The following AGBL4 variants were observed in gnomAD, a reference collection of about 807,000 sequenced individuals.
The protein encoded by AGBL4 is cytosolic carboxypeptidase 6.
In AGBL4, 58 loss-of-function variants were observed where a neutral mutation model predicts 66.4. The observed-to-expected ratio is 0.87, with a 90% CI of 0.71 to 1.09. The LOEUF (loss-of-function observed/expected upper bound fraction) is 1.09. Ranked by LOEUF, AGBL4 falls within the 50% of genes least tolerant of loss-of-function variation. AGBL4 has a pLI of 0.00. For synonymous variants in AGBL4, 234 were observed against 222.9 expected, an observed-to-expected ratio of 1.05 and a Z score of -0.44; for missense variants, 579 against 631.0, an observed-to-expected ratio of 0.92 and a Z score of 0.88.
chr1:48,955,624 C>A (rs1447009285), intron 5 of AGBL4, among the ~76,000 whole-genome samples: 1 of 152,176 alleles, frequency 6.6e-6, no homozygotes, highest in Non-Finnish European at 1.5e-5. Context: ...CTCAAGTAAT[C>A]CTCCCACCCG....
intron 3 of AGBL4, among the ~76,000 whole-genome samples, chr1:49,334,114 A>C (rs1442106218): frequency 1.3e-5 from 2 of 152,220 alleles, no homozygotes; most frequent in African/African-American, 4.8e-5. Flanking sequence ...CAAGCTGTTA[A>C]AGTACGTTCA....
intron 1 of AGBL4, among the ~76,000 whole-genome samples, chr1:50,019,304 T>TCACACA (rs796097397): frequency 0.013 from 590 of 46,834 alleles, 3 homozygotes; most frequent in African/African-American, 0.018. Flanking sequence ...TCTCTCTCTC[T>TCACACA]CTCACACACA....
At chr1:50,006,286 C>A (rs1310425927) in intron 1 of AGBL4, among the ~76,000 whole-genome samples, 1 of 150,894 alleles carries the variant, frequency 6.6e-6, no homozygotes, top group African/African-American at 2.4e-5. Flanking sequence ...TTGCAGTGAG[C>A]CAAGATTGCG....
At chr1:48,723,054 G>A (rs1271988238) in intron 6 of AGBL4, among the ~76,000 whole-genome samples, 1 of 151,872 alleles carries the variant, frequency 6.6e-6, no homozygotes, top group African/African-American at 2.4e-5. Context: ...GGAAGAAACA[G>A]GATTTGAACA....
chr1:49,909,396 G>A (rs1258484885), intron 1 of AGBL4, among the ~76,000 whole-genome samples: 3 of 152,158 alleles, frequency 2.0e-5, no homozygotes, highest in African/African-American at 7.2e-5. Flanking sequence ...TCCTTTGAGG[G>A]TGATTTGAGT....
rs548554361 is a variant in AGBL4 at position 49,015,424 on chromosome 1, T to C, written c.594+30160A>G. ...TCTAGATGATAGGATTTCAAGTAAT[T>C]TTTTTTTTTTTTTTTTGAGATGGAG... On this transcript the variant is annotated intron_variant, in intron 5 of 13. Transcript: ENST00000371839. 8.4e-3 allele frequency among the ~76,000 whole-genome samples: 440 copies of C among 52,196 alleles called. 1 individual carries two copies. Among genetic ancestry groups the C allele is most frequent in the African/African-American group, 0.017 (425 of 25,718 alleles). 34.2% of individuals were successfully genotyped at this position (52,196 alleles called of 152,430 possible).
intron 1 of AGBL4, among the ~76,000 whole-genome samples, chr1:49,901,702 T>G (rs1649781999): frequency 6.6e-6 from 1 of 152,186 alleles, no homozygotes; most frequent in Non-Finnish European, 1.5e-5. Context: ...AAAATTCATA[T>G]GGAACCAAAA....
chr1:49,178,264 A>G (rs941879794), intron 4 of AGBL4, among the ~76,000 whole-genome samples: 1 of 152,230 alleles, frequency 6.6e-6, no homozygotes, highest in African/African-American at 2.4e-5. Flanking sequence ...CATTAGAGAT[A>G]ATGTCCTCTG....
At chr1:48,969,690 C>A (rs1658750521) in intron 5 of AGBL4, among the ~76,000 whole-genome samples, 1 of 151,962 alleles carries the variant, frequency 6.6e-6, no homozygotes, top group Non-Finnish European at 1.5e-5. Context: ...ACATGAGGTG[C>A]CCCAAACATA....
intron 9 of AGBL4, among the ~76,000 whole-genome samples, chr1:48,629,183 T>C (rs1645553415): frequency 6.6e-6 from 1 of 152,118 alleles, no homozygotes; most frequent in African/African-American, 2.4e-5. Context: ...GGAAGCCCAT[T>C]CACATATGGG....
intron 5 of AGBL4, among the ~76,000 whole-genome samples, chr1:49,033,890 C>T (rs535914463): frequency 2.7e-5 from 4 of 150,420 alleles, no homozygotes; most frequent in Non-Finnish European, 4.4e-5. Flanking sequence ...CAAGACAGGG[C>T]TTTCAGAATC....
intron 9 of AGBL4, among the ~76,000 whole-genome samples, chr1:48,607,181 A>T (rs72679398): frequency 1.3e-5 from 2 of 152,110 alleles, no homozygotes; most frequent in African/African-American, 4.8e-5. Context: ...GTGCTGTATA[A>T]GTAGTCATTT....
At chr1:49,041,634 T>C (rs899959997) in intron 5 of AGBL4, among the ~76,000 whole-genome samples, 2 of 152,134 alleles carry the variant, frequency 1.3e-5, no homozygotes, top group African/African-American at 4.8e-5. Flanking sequence ...CTCAGATTAT[T>C]TACCCCCAAA....
chr1:49,140,607 A>G (rs1045986739), intron 4 of AGBL4, among the ~76,000 whole-genome samples: 2 of 152,342 alleles, frequency 1.3e-5, no homozygotes, highest in African/African-American at 2.4e-5. Flanking sequence ...TTCCAGGTAC[A>G]TGATTGGTGA....
At chr1:48,749,342 A>G (rs1651288918) in intron 6 of AGBL4, among the ~76,000 whole-genome samples, 1 of 152,198 alleles carries the variant, frequency 6.6e-6, no homozygotes, top group South Asian at 2.1e-4. Context: ...CTATATCCCC[A>G]GCACCCAGCG....
chr1:49,954,653 A>G (rs906754848), intron 1 of AGBL4, among the ~76,000 whole-genome samples: 3 of 151,996 alleles, frequency 2.0e-5, no homozygotes, highest in African/African-American at 7.2e-5. Context: ...ATGGCACTAT[A>G]ACTAAGTTCT....
chr1:49,802,262 G>A (rs377249225), intron 2 of AGBL4, among the ~76,000 whole-genome samples: 1 of 136,274 alleles, frequency 7.3e-6, no homozygotes, highest in Non-Finnish European at 1.6e-5. Flanking sequence ...AGACACATCG[G>A]GGGGGGTCGC....
intron 3 of AGBL4, among the ~76,000 whole-genome samples, chr1:49,331,615 G>T (rs1031611217): frequency 6.6e-6 from 1 of 152,116 alleles, no homozygotes; most frequent in Non-Finnish European, 1.5e-5. Flanking sequence ...CTGGCCTCCA[G>T]CCACCCGGCC....
intron 8 of AGBL4, among the ~76,000 whole-genome samples, chr1:48,646,328 T>A (rs1185965632): frequency 3.3e-5 from 5 of 152,194 alleles, no homozygotes; most frequent in African/African-American, 1.2e-4. Context: ...TTGCTGTGGA[T>A]CTTTGTTTTC....
Sources: gnomAD v4.1 joint callset for allele counts (sites outside exome capture counted in the v4.1 genomes callset) on GRCh38, gnomAD v4.1.1 for gene constraint, MANE v1.5 for transcripts, NCBI Gene and HGNC (gene_info 2026-07-23, HGNC 2026-07-21) for gene names.